Variants in TSC22D1 observed in about 807,000 individuals in gnomAD.
TSC22D1 encodes the protein TSC22 domain family member 1, also known as TSC22 domain family protein 1.
In TSC22D1, 9 loss-of-function variants were observed where a neutral mutation model predicts 74.2. The ratio of observed to expected loss-of-function variants is 0.12; its 90% CI spans 0.07 to 0.21. TSC22D1 has a LOEUF of 0.21. Among genes scored for constraint, TSC22D1 ranks in the 10% least tolerant of loss-of-function variants. TSC22D1 has a pLI of 1.00. For missense variants in TSC22D1, 1,427 were observed against 1,304.7 expected (o/e 1.09, Z -1.44); for synonymous variants, 586 against 492.5 (o/e 1.19, Z -2.51).
At chr13:44,493,854 G>A (rs1287084083) in intron 1 of TSC22D1, among the ~76,000 whole-genome samples, 3 of 152,308 alleles carry the variant, frequency 2.0e-5, no homozygotes, top group South Asian at 2.1e-4. Flanking sequence ...AAGGCCATCT[G>A]TCAAAACAAT....
At chr13:44,449,330 G>C (rs925088184) in intron 1 of TSC22D1, among the ~76,000 whole-genome samples, 1 of 152,212 alleles carries the variant, frequency 6.6e-6, no homozygotes, top group Non-Finnish European at 1.5e-5. Context: ...ATTACTTAGT[G>C]AATGTGCCTA....
At chr13:44,462,644 G>A (rs9533863) in intron 1 of TSC22D1, among the ~76,000 whole-genome samples, 15,063 of 152,136 alleles carry the variant, frequency 0.099, 777 homozygotes, top group Non-Finnish European at 0.11. Flanking sequence ...GATCTGTAAA[G>A]TGTCCATATT....
intron 1 of TSC22D1, among the ~76,000 whole-genome samples, chr13:44,489,764 T>C (rs903976683): frequency 3.9e-5 from 6 of 152,158 alleles, no homozygotes; most frequent in Non-Finnish European, 8.8e-5. Flanking sequence ...AAATAGTCTG[T>C]CTGCCTATTG....
intron 1 of TSC22D1, among the ~76,000 whole-genome samples, chr13:44,443,813 T>A (rs1259007007): frequency 1.3e-5 from 2 of 152,158 alleles, no homozygotes; most frequent in Non-Finnish European, 2.9e-5. Flanking sequence ...TACTGCTGAG[T>A]ACACTATGAT....
rs182964538 is a variant in TSC22D1, at chr13:44,453,256, C to T, written c.2913-17161G>A. On this transcript the variant is annotated intron_variant, in intron 1 of 2. Transcript: ENST00000458659. ...ATTTTGTTTCAATGCATACTAACAG[C>T]GCACTTAGTAGCCACTCCTCGTTTC... Among the ~76,000 whole-genome samples the T allele has an allele frequency of 1.5e-4, 22 of 149,334 alleles. No homozygotes were observed. The East Asian group carries it at 3.8e-3, about 26-fold the overall frequency.
At chr13:44,477,289 C>G (rs2137923073) in intron 1 of TSC22D1, among the ~76,000 whole-genome samples, 1 of 152,220 alleles carries the variant, frequency 6.6e-6, no homozygotes, top group South Asian at 2.1e-4. Context: ...AAACATTTTA[C>G]TAAGACTATA....
rs933122484 is a variant in TSC22D1 at position 44,434,426 on chromosome 13, T to G, written c.*200A>C. 2.2e-5 allele frequency: 30 copies of G among 1,357,150 alleles called. No homozygotes were observed. Among genetic ancestry groups the G allele is most frequent in the Non-Finnish European group, 2.5e-5 (27 of 1,063,156 alleles). The allele number at this position is 1,357,150 out of a possible 1,614,324, so 84.1% of individuals were successfully genotyped here. ...TGCTAATTCTCGGATTAACCTTTAA[T>G]TCACCCAACTAAGAAATTTCTCCAA... On this transcript the variant is annotated 3_prime_UTR_variant, in exon 3 of 3. Transcript: ENST00000458659.
intron 1 of TSC22D1, among the ~76,000 whole-genome samples, chr13:44,454,734 G>A (rs1876430013): frequency 6.6e-6 from 1 of 151,826 alleles, no homozygotes; most frequent in Non-Finnish European, 1.5e-5. Context: ...CCTCATCTAG[G>A]TACCATTATT....
chr13:44,477,642 T>TTC (rs1000658277), intron 1 of TSC22D1, among the ~76,000 whole-genome samples: 6 of 148,982 alleles, frequency 4.0e-5, no homozygotes, highest in African/African-American at 9.9e-5. Context: ...TCATAGATTT[T>TTC]TTTTTTTTTT....
In TSC22D1 at chr13:44,433,763, A is replaced by T. The variant is rs1874257404; in HGVS notation, c.*863T>A. ...AAGGATTTACTTCAGCGTATTCAGC[A>T]GCTAGATTTCAGATTACACAAAGTG... On this transcript the variant is annotated 3_prime_UTR_variant, in exon 3 of 3. Transcript: ENST00000458659. 9.6e-6 allele frequency: 5 copies of T among 520,226 alleles called. No individual in the cohort carries two copies. In the South Asian group the frequency reaches 1.4e-4, roughly 15 times the overall value. The allele number at this position is 520,226 out of a possible 1,614,324, so 32.2% of individuals were successfully genotyped here.
intron 1 of TSC22D1, among the ~76,000 whole-genome samples, chr13:44,543,047 A>G (rs370652308): frequency 6.6e-6 from 1 of 152,144 alleles, no homozygotes; most frequent in Non-Finnish European, 1.5e-5. Flanking sequence ...GCTGTTATAG[A>G]TCTATTAACC....
At chr13:44,511,619 TACACACACACAC>T (rs66743224) in intron 1 of TSC22D1, among the ~76,000 whole-genome samples, 8 of 148,168 alleles carry the variant, frequency 5.4e-5, no homozygotes, top group South Asian at 2.2e-4. Flanking sequence ...TAAAAAGAAA[TACACACACACAC>T]ACACACACAC....
chr13:44,455,283 A>T (rs1216839046), intron 1 of TSC22D1, among the ~76,000 whole-genome samples: 3 of 152,240 alleles, frequency 2.0e-5, no homozygotes, highest in African/African-American at 7.2e-5. Context: ...CAGGGAGAAC[A>T]GCAAGGGGAA....
chr13:44,550,533 G>A (rs1595157761), intron 1 of TSC22D1, among the ~76,000 whole-genome samples: 2 of 150,636 alleles, frequency 1.3e-5, no homozygotes, highest in Admixed American at 1.3e-4. Context: ...AGTGAGCCGA[G>A]ATTGCACCAT....
At chr13:44,523,354 G>A (rs761553435) in intron 1 of TSC22D1, among the ~76,000 whole-genome samples, 2 of 152,076 alleles carry the variant, frequency 1.3e-5, no homozygotes, top group East Asian at 1.9e-4. Flanking sequence ...GAATGTTTGC[G>A]GCAGCTTTAT....
chr13:44,445,636 A>C (rs1349086764), intron 1 of TSC22D1, among the ~76,000 whole-genome samples: 1 of 152,184 alleles, frequency 6.6e-6, no homozygotes, highest in African/African-American at 2.4e-5. Context: ...CTGATAAAGG[A>C]CTTATATCCA....
chr13:44,512,456 A>C (rs1243061557), intron 1 of TSC22D1, among the ~76,000 whole-genome samples: 2 of 151,954 alleles, frequency 1.3e-5, no homozygotes, highest in African/African-American at 4.8e-5. Context: ...GGTGTGAGCC[A>C]CCGCGCCCAG....
chr13:44,538,067 A>G (rs1275948902), intron 1 of TSC22D1: 1 of 985,212 alleles, frequency 1.0e-6, no homozygotes, highest in Non-Finnish European at 1.2e-6. Flanking sequence ...GCTTGGATAA[A>G]TAACTATTTT....
At chr13:44,537,455 T>A in intron 1 of TSC22D1, 1 of 985,144 alleles carries the variant, frequency 1.0e-6, no homozygotes, top group Non-Finnish European at 1.2e-6. Flanking sequence ...TCACTTTTCA[T>A]CTTCAAAGCT....
Sources: gnomAD v4.1 joint callset for allele counts (sites outside exome capture counted in the v4.1 genomes callset) on GRCh38, gnomAD v4.1.1 for gene constraint, MANE v1.5 for transcripts, NCBI Gene and HGNC (gene_info 2026-07-23, HGNC 2026-07-21) for gene names.